RABGAP1L: variants seen among roughly 807,000 people sequenced by gnomAD.
The protein encoded by RABGAP1L is RAB GTPase activating protein 1 like, also known as rab GTPase-activating protein 1-like.
In RABGAP1L, 63 loss-of-function variants were observed where a neutral mutation model predicts 137.7. That is an observed-to-expected ratio of 0.46 (90% CI 0.37 to 0.56). The LOEUF (loss-of-function observed/expected upper bound fraction) is 0.56, where lower values mean the gene tolerates loss of function less well. Among genes scored for constraint, RABGAP1L ranks in the 20% least tolerant of loss-of-function variants. The pLI, the probability that RABGAP1L is intolerant of heterozygous loss-of-function variation, is 0.00. For synonymous variants in RABGAP1L, 431 were observed against 433.7 expected (o/e 0.99, Z 0.08); for missense variants, 1,095 against 1,244.0 (o/e 0.88, Z 1.80).
chr1:174,596,382 C>T (rs887343067), intron 13 of RABGAP1L, among the ~76,000 whole-genome samples: 5 of 152,118 alleles, frequency 3.3e-5, no homozygotes, highest in Admixed American at 2.0e-4. Flanking sequence ...CCTCCCTCCT[C>T]TTCAGTTTCT....
chr1:174,369,112 A>G (rs539200902), intron 11 of RABGAP1L, among the ~76,000 whole-genome samples: 12 of 152,288 alleles, frequency 7.9e-5, no homozygotes, highest in Non-Finnish European at 1.3e-4. Context: ...ATAAGTACCT[A>G]TACTTGGTAC....
intron 11 of RABGAP1L, among the ~76,000 whole-genome samples, chr1:174,339,631 G>T (rs141571389): frequency 0.035 from 5,261 of 151,730 alleles, 121 homozygotes; most frequent in Middle Eastern, 0.089. Context: ...TTTTGAGACG[G>T]AGTCTCACTC....
At chr1:174,439,732 A>C (rs1453644133) in intron 13 of RABGAP1L, among the ~76,000 whole-genome samples, 2 of 152,170 alleles carry the variant, frequency 1.3e-5, no homozygotes, top group East Asian at 1.9e-4. Context: ...AGTGTTTTTC[A>C]GTCCTTTGAT....
intron 7 of RABGAP1L, among the ~76,000 whole-genome samples, chr1:174,258,952 T>A (rs1162938199): frequency 6.6e-6 from 1 of 151,946 alleles, no homozygotes; most frequent in Non-Finnish European, 1.5e-5. Flanking sequence ...TAATTTTATG[T>A]TGTCTTATTT....
intron 1 of RABGAP1L, among the ~76,000 whole-genome samples, chr1:174,215,066 A>G (rs1669183934): frequency 1.3e-5 from 2 of 152,228 alleles, no homozygotes; most frequent in African/African-American, 4.8e-5. Context: ...ACAGAATGGG[A>G]GAAAATATTT....
At chr1:174,196,166 C>T (rs373543009) in intron 1 of RABGAP1L, among the ~76,000 whole-genome samples, 3 of 150,664 alleles carry the variant, frequency 2.0e-5, no homozygotes, top group African/African-American at 7.3e-5. Flanking sequence ...TTTAGATTGC[C>T]TCTTTTGGAT....
intron 19 of RABGAP1L, among the ~76,000 whole-genome samples, chr1:174,872,596 C>T (rs1235357742): frequency 8.7e-5 from 13 of 149,732 alleles, no homozygotes; most frequent in Non-Finnish European, 1.8e-4. Flanking sequence ...GCATCTTATT[C>T]TGTCACCCAG....
chr1:174,395,552 T>TA (rs1647733861), intron 13 of RABGAP1L, among the ~76,000 whole-genome samples: 1 of 152,192 alleles, frequency 6.6e-6, no homozygotes, highest in Admixed American at 6.5e-5. Flanking sequence ...TGCATCACTA[T>TA]AAAAAACTCT....
intron 10 of RABGAP1L, 115 bp from the exon 11 acceptor site, chr1:174,304,871 C>T: frequency 1.0e-6 from 1 of 960,206 alleles, no homozygotes; most frequent in Non-Finnish European, 1.5e-6. Context: ...TGCTGTAGAT[C>T]AAACACAACA....
intron 14 of RABGAP1L, among the ~76,000 whole-genome samples, chr1:174,680,384 G>T (rs1452961430): frequency 6.6e-6 from 1 of 152,176 alleles, no homozygotes; most frequent in Non-Finnish European, 1.5e-5. Context: ...CAATGAAAAG[G>T]CACAATTTCT....
chr1:174,431,363 A>T (rs1406570646), intron 13 of RABGAP1L, among the ~76,000 whole-genome samples: 2 of 152,222 alleles, frequency 1.3e-5, no homozygotes, highest in African/African-American at 2.4e-5. Flanking sequence ...GCAGGAAAAG[A>T]TCGTGATTAA....
At chr1:174,619,622 A>G (rs1248531164) in intron 13 of RABGAP1L, among the ~76,000 whole-genome samples, 1 of 152,230 alleles carries the variant, frequency 6.6e-6, no homozygotes, top group Non-Finnish European at 1.5e-5. Flanking sequence ...CCTGCCCTAA[A>G]AGAGCTCCTG....
chr1:174,979,040 C>A (rs1670882965), intron 23 of RABGAP1L, 150 bp downstream of exon 23: 1 of 1,166,674 alleles, frequency 8.6e-7, no homozygotes, highest in Non-Finnish European at 1.1e-6. Context: ...TTTTAGTTAG[C>A]CAGGCACAGT....
At chr1:174,530,762 C>A (rs1664320098) in intron 13 of RABGAP1L, among the ~76,000 whole-genome samples, 1 of 151,862 alleles carries the variant, frequency 6.6e-6, no homozygotes, top group South Asian at 2.1e-4. Context: ...GTGGAGGAAG[C>A]AAGTAAGACA....
chr1:174,239,238 C>T (rs1671564892), intron 4 of RABGAP1L, among the ~76,000 whole-genome samples: 1 of 152,214 alleles, frequency 6.6e-6, no homozygotes, highest in African/African-American at 2.4e-5. Flanking sequence ...CTGCGTCGCT[C>T]ACGCTGGGAG....
chr1:174,208,554 C>A (rs1256253775), intron 1 of RABGAP1L, among the ~76,000 whole-genome samples: 1 of 151,998 alleles, frequency 6.6e-6, no homozygotes, highest in African/African-American at 2.4e-5. Context: ...TATGATTTTT[C>A]TTTAGCCTAT....
chr1:174,212,194 A>C (rs1220006379), intron 1 of RABGAP1L, among the ~76,000 whole-genome samples: 1 of 152,120 alleles, frequency 6.6e-6, no homozygotes, highest in Non-Finnish European at 1.5e-5. Flanking sequence ...TCCTCAGTAC[A>C]TGGATTATTC....
intron 12 of RABGAP1L, among the ~76,000 whole-genome samples, chr1:174,384,588 C>T (rs956168207): frequency 2.0e-5 from 3 of 151,634 alleles, no homozygotes; most frequent in Non-Finnish European, 2.9e-5. Context: ...GTTCTTTTCT[C>T]TTGTCAGAAC....
chr1:174,496,978 G>A (rs1323094637), intron 13 of RABGAP1L, among the ~76,000 whole-genome samples: 3 of 152,160 alleles, frequency 2.0e-5, no homozygotes, highest in African/African-American at 7.2e-5. Context: ...TTTCTTGAAT[G>A]TCTCAGTCAT....
Sources: allele counts gnomAD v4.1 joint callset (sites outside exome capture counted in the v4.1 genomes callset), GRCh38; gene constraint gnomAD v4.1.1; transcripts MANE v1.5; gene names NCBI Gene and HGNC (gene_info 2026-07-23, HGNC 2026-07-21).